The following THRB variants were observed in gnomAD, a reference collection of about 807,000 sequenced individuals.
THRB encodes the protein nuclear receptor subfamily 1 group A member 2.
A neutral mutation model predicts 47.8 loss-of-function variants in THRB; 12 were observed. That is an observed-to-expected ratio of 0.25 (90% CI 0.16 to 0.41). THRB has a LOEUF of 0.41. THRB is among the 10% of genes least tolerant of loss of function. THRB has a pLI of 1.00. For missense variants in THRB, 348 were observed against 589.2 expected (o/e 0.59, Z 4.24); for synonymous variants, 218 against 212.2 (o/e 1.03, Z -0.24).
At chr3:24,479,864 G>T (rs567883131) in intron 1 of THRB, among the ~76,000 whole-genome samples, 1 of 152,226 alleles carries the variant, frequency 6.6e-6, no homozygotes, top group South Asian at 2.1e-4. Flanking sequence ...TTTGCCTGGA[G>T]GATTACTCTT....
intron 5 of THRB, among the ~76,000 whole-genome samples, chr3:24,179,729 A>G (rs1193557361): frequency 2.6e-5 from 4 of 152,222 alleles, no homozygotes; most frequent in Admixed American, 2.6e-4. Flanking sequence ...ACAAGTAATA[A>G]CAAATAGCTT....
intron 2 of THRB, among the ~76,000 whole-genome samples, chr3:24,315,186 A>G (rs2058033510): frequency 6.6e-6 from 1 of 152,172 alleles, no homozygotes; most frequent in Non-Finnish European, 1.5e-5. Flanking sequence ...TGACCCACAC[A>G]TTAATTGCAA....
Position 24,282,707 on chromosome 3 carries a change from AAGAG to A in THRB, c.-43+14515_-43+14518del, listed in dbSNP as rs1266669055. ...CGCTAGCAAGACTAATAAAGAAAAA[AAGAG>A]AGAACAATCAAATAGACGCAATAAA... is the stretch of plus-strand genomic sequence containing the variant. On this transcript the variant is annotated intron_variant, in intron 3 of 10. Coordinates refer to ENST00000646209, the MANE Select transcript of THRB (RefSeq NM_001354712.2). Among the ~76,000 whole-genome samples the A allele has an allele frequency of 4.7e-5, 7 of 149,404 alleles. No individual in the cohort carries two copies. The East Asian group carries it at 1.4e-3, about 29-fold the overall frequency.
chr3:24,428,947 A>G (rs893535953), intron 1 of THRB, among the ~76,000 whole-genome samples: 1 of 151,718 alleles, frequency 6.6e-6, no homozygotes, highest in Non-Finnish European at 1.5e-5. Flanking sequence ...GATGCATTGG[A>G]TCTTCAGAAA....
At chr3:24,284,966 A>C (rs551097194) in intron 3 of THRB, among the ~76,000 whole-genome samples, 168 of 152,194 alleles carry the variant, frequency 1.1e-3, no homozygotes, top group Non-Finnish European at 2.1e-3. Context: ...AAATAGGAAC[A>C]CTTTTACACT....
At chr3:24,485,933 T>A (rs952277002) in intron 1 of THRB, among the ~76,000 whole-genome samples, 3 of 152,210 alleles carry the variant, frequency 2.0e-5, no homozygotes, top group African/African-American at 7.2e-5. Flanking sequence ...TTTCATTTAA[T>A]CTCCACATAT....
chr3:24,493,936 G>A (rs138057919), intron 1 of THRB, among the ~76,000 whole-genome samples: 57 of 152,320 alleles, frequency 3.7e-4, no homozygotes, highest in African/African-American at 1.4e-3. Flanking sequence ...TCTCCGAGGG[G>A]GTGGAGGTCA....
chr3:24,206,070 C>A (rs1479725304), intron 4 of THRB, among the ~76,000 whole-genome samples: 3 of 152,168 alleles, frequency 2.0e-5, no homozygotes, highest in Non-Finnish European at 2.9e-5. Context: ...TAACACCCCA[C>A]CGTCAACATT....
At chr3:24,264,894 T>C (rs998328020) in intron 3 of THRB, among the ~76,000 whole-genome samples, 7 of 151,236 alleles carry the variant, frequency 4.6e-5, no homozygotes, top group African/African-American at 1.5e-4. Flanking sequence ...GAACCGTAGG[T>C]GGGTGGAAGG....
chr3:24,367,226 G>A (rs569514693), intron 1 of THRB, among the ~76,000 whole-genome samples: 1 of 152,274 alleles, frequency 6.6e-6, no homozygotes, highest in African/African-American at 2.4e-5. Flanking sequence ...CGAATACACT[G>A]AAGAGGGATT....
At chr3:24,371,429 C>G (rs1056401352) in intron 1 of THRB, among the ~76,000 whole-genome samples, 9 of 152,010 alleles carry the variant, frequency 5.9e-5, no homozygotes, top group Non-Finnish European at 1.5e-5. Context: ...TTGAAGTATA[C>G]TTGATGGAGA....
chr3:24,233,701 T>C (rs759949825), intron 3 of THRB, among the ~76,000 whole-genome samples: 2 of 152,112 alleles, frequency 1.3e-5, no homozygotes, highest in Non-Finnish European at 2.9e-5. Context: ...TCCTGGACGA[T>C]GGAAAACGTA....
intron 4 of THRB, among the ~76,000 whole-genome samples, chr3:24,219,861 T>C (rs1386232590): frequency 5.3e-5 from 8 of 152,218 alleles, no homozygotes; most frequent in Non-Finnish European, 8.8e-5. Context: ...AATTTCCCAG[T>C]GATTCTGATC....
chr3:24,452,957 G>T (rs62228826), intron 1 of THRB, among the ~76,000 whole-genome samples: 6,487 of 43,728 alleles, frequency 0.15, 181 homozygotes, highest in South Asian at 0.21. Context: ...GATGCTACTT[G>T]AAGCCCGACA....
intron 5 of THRB, among the ~76,000 whole-genome samples, chr3:24,167,880 C>T (rs1384954852): frequency 2.0e-5 from 3 of 152,056 alleles, no homozygotes; most frequent in East Asian, 1.9e-4. Context: ...GAGAGTTATT[C>T]TCCCCTGGAA....
intron 10 of THRB, among the ~76,000 whole-genome samples, chr3:24,124,871 G>A (rs369890933): frequency 9.9e-4 from 151 of 152,316 alleles, no homozygotes; most frequent in African/African-American, 2.9e-3. Flanking sequence ...ACAATGTCTT[G>A]TAATATTTTT....
rs369782852 is a variant in THRB, at chr3:24,162,454, C to T, written c.284-9964G>A. On this transcript the variant is annotated intron_variant, in intron 5 of 10. Coordinates refer to ENST00000646209, the MANE Select transcript of THRB (RefSeq NM_001354712.2). ...AATGATAGGGTTCTTTTCATTTGTC[C>T]CTAACTTTTGAAAATTAAAAATTTG... Among the ~76,000 whole-genome samples the T allele has an allele frequency of 6.6e-5, 10 of 152,024 alleles. No homozygotes were observed. In the South Asian group the frequency reaches 1.0e-3, roughly 16 times the overall value.
At chr3:24,415,841 T>A (rs986802891) in intron 1 of THRB, among the ~76,000 whole-genome samples, 1 of 151,898 alleles carries the variant, frequency 6.6e-6, no homozygotes, top group African/African-American at 2.4e-5. Context: ...GTGAACTTAC[T>A]GAGTTGATAC....
intron 3 of THRB, among the ~76,000 whole-genome samples, chr3:24,250,585 C>G (rs2050566082): frequency 6.6e-6 from 1 of 152,122 alleles, no homozygotes; most frequent in Admixed American, 6.6e-5. Flanking sequence ...CCTATAGTCT[C>G]AGCTACAGGA....
Sources: gnomAD v4.1 joint callset for allele counts (sites outside exome capture counted in the v4.1 genomes callset) on GRCh38, gnomAD v4.1.1 for gene constraint, MANE v1.5 for transcripts, NCBI Gene and HGNC (gene_info 2026-07-23, HGNC 2026-07-21) for gene names.